Variants in DCTN5 observed in about 807,000 individuals in gnomAD.
The protein encoded by DCTN5 is dynactin 4.
Under a neutral mutation model 23.5 loss-of-function variants are expected in DCTN5, and 14 were observed. That is an observed-to-expected ratio of 0.60 (90% CI 0.39 to 0.93). DCTN5 has a LOEUF of 0.93. Among genes scored for constraint, DCTN5 ranks in the 40% least tolerant of loss-of-function variants. The pLI is 0.00. For synonymous variants in DCTN5, 67 were observed against 79.6 expected (o/e 0.84, Z 0.84); for missense variants, 156 against 225.9 (o/e 0.69, Z 1.98).
In DCTN5 at chr16:23,672,572, A is replaced by AGTTT. The variant is rs1968026288; in HGVS notation, c.*5428_*5429insGTTT. The AGTTT allele has an allele frequency of 1.3e-5, 2 of 152,272 alleles. No homozygotes were observed. The highest frequency in any genetic ancestry group is 4.1e-4 in the South Asian group (2 of 4,834). 9.4% of individuals were successfully genotyped at this position (152,272 alleles called of 1,614,324 possible). ...TCTGGGATTTAGGACTTGCCAGACA[A>AGTTT]ACAAGGCCCAAGAGGCAAGTGTGCA... On this transcript the variant is annotated 3_prime_UTR_variant, in exon 6 of 6. Coordinates refer to ENST00000300087, the MANE Select transcript of DCTN5 (RefSeq NM_032486.4).
At chr16:23,666,253 G>A (rs1967903886) in intron 5 of DCTN5, among the ~76,000 whole-genome samples, 1 of 152,182 alleles carries the variant, frequency 6.6e-6, no homozygotes. Context: ...CATTGGTCAT[G>A]GGTTTAATTT....
In DCTN5 at chr16:23,641,474, C is replaced by T. The variant is rs963816451; in HGVS notation, c.-69C>T. On this transcript the variant is annotated 5_prime_UTR_variant, in exon 1 of 6. Transcript: ENST00000300087. ...GAAGTGGAGGAGCGGCCGGAAGTAG[C>T]CGGAATCTCTGAAAGACTGACCGAC... 19 of 1,591,002 alleles carry T rather than the reference C, an allele frequency of 1.2e-5. No homozygotes were observed. The highest frequency in any genetic ancestry group is 9.4e-5 in the African/African-American group (7 of 74,516).
chr16:23,653,292 C>T (rs890807288), intron 2 of DCTN5, among the ~76,000 whole-genome samples: 31 of 152,186 alleles, frequency 2.0e-4, no homozygotes, highest in African/African-American at 7.2e-4. Flanking sequence ...ATCACGCTAC[C>T]TGACTTCAAA....
At chr16:23,645,709 CT>C (rs2140972148) in intron 2 of DCTN5, among the ~76,000 whole-genome samples, 1 of 152,230 alleles carries the variant, frequency 6.6e-6, no homozygotes, top group African/African-American at 2.4e-5. Flanking sequence ...AAGGTTCATC[CT>C]TGTTAAAGCA....
chr16:23,664,814 T>A (rs1201030111), intron 4 of DCTN5, among the ~76,000 whole-genome samples: 4 of 152,180 alleles, frequency 2.6e-5, no homozygotes, highest in African/African-American at 7.2e-5. Context: ...TCCAAATGAA[T>A]TTTTCAGGGT....
chr16:23,675,558 C>T lies in DCTN5; in HGVS notation c.*8414C>T, dbSNP rs959869351. 1 of 151,904 alleles carries T rather than the reference C, an allele frequency of 6.6e-6. No individual in the cohort carries two copies. Among genetic ancestry groups the T allele is most frequent in the Non-Finnish European group, 1.5e-5 (1 of 68,026 alleles). 9.4% of individuals were successfully genotyped at this position (151,904 alleles called of 1,614,324 possible). On this transcript the variant is annotated 3_prime_UTR_variant, in exon 6 of 6. Transcript: ENST00000300087. The stretch of plus-strand genomic sequence containing the variant: ...TGCTTTTGTGCCTCTTACATACAAC[C>T]CTTCCAGAGGAAAGGCCTAGCTGAG...
At chr16:23,658,201 A>G (rs1967746012) in intron 2 of DCTN5, among the ~76,000 whole-genome samples, 1 of 152,210 alleles carries the variant, frequency 6.6e-6, no homozygotes, top group Non-Finnish European at 1.5e-5. Flanking sequence ...TTACCTGAGC[A>G]AATCTAAAGA....
chr16:23,644,842 C>T (rs1195756565), intron 2 of DCTN5, among the ~76,000 whole-genome samples: 3 of 151,056 alleles, frequency 2.0e-5, no homozygotes, highest in Non-Finnish European at 2.9e-5. Context: ...AGTGAAGCGG[C>T]GCCATCTCAG....
Position 23,661,150 on chromosome 16 carries a change from A to G in DCTN5, c.237-20A>G. On this transcript the variant is annotated intron_variant, in intron 3 of 5. Transcript: ENST00000300087. ...ACATCATCTTGACCTTTCTGTGTTCATCTTCTTTTCCTCTTCTAGTGTTGC... is the reference window on the plus strand; with the variant it reads ...ACATCATCTTGACCTTTCTGTGTTCGTCTTCTTTTCCTCTTCTAGTGTTGC... 2 of 1,563,584 alleles carry G rather than the reference A, an allele frequency of 1.3e-6. No individual in the cohort carries two copies. The highest frequency in any genetic ancestry group is 1.8e-6 in the Non-Finnish European group (2 of 1,135,876).
intron 5 of DCTN5, chr16:23,666,799 G>C: frequency 1.8e-6 from 1 of 546,282 alleles, no homozygotes; most frequent in South Asian, 2.8e-5. Flanking sequence ...CCATTCTACC[G>C]TGTCATGCAT....
intron 3 of DCTN5, among the ~76,000 whole-genome samples, chr16:23,660,435 A>G (rs545970729): frequency 6.6e-6 from 1 of 152,356 alleles, no homozygotes; most frequent in African/African-American, 2.4e-5. Context: ...TGTCAGTGAC[A>G]TTTGAGGAAC....
Position 23,658,578 on chromosome 16 carries a change from G to T in DCTN5, c.189G>T (p.Val63=). The change falls in exon 3 of 6, where the codon GTG becomes GTT. Residue 63 remains valine, a synonymous_variant. Transcript: ENST00000300087. ...TAAGAGTTGGACGTCATTGTGTTGT[G>T]AAAAGTCGTAGTGTCATAAGGCCAC... The part of the protein sequence containing the change: ...ANVRVGRHCV[V]KSRSVIRPPF... The T allele has an allele frequency of 6.2e-7, 1 of 1,614,216 alleles. No homozygotes were observed. The highest frequency in any genetic ancestry group is 8.5e-7 in the Non-Finnish European group (1 of 1,180,026).
chr16:23,648,711 A>G (rs1597115108), intron 2 of DCTN5, among the ~76,000 whole-genome samples: 1 of 152,050 alleles, frequency 6.6e-6, no homozygotes, highest in African/African-American at 2.4e-5. Context: ...ACTAGTTTAC[A>G]TCCCACCAAC....
In DCTN5 at chr16:23,676,475, T is replaced by C. The variant is rs1959226566; in HGVS notation, c.*9331T>C. On this transcript the variant is annotated 3_prime_UTR_variant, in exon 6 of 6. Transcript: ENST00000300087. Reference sequence around the variant, plus strand: ...GGGAGGCTGAGGCAGGAGAATCGCTTGAACCCAGGAGGTGGAGGCTGCAGT... The same window carrying C: ...GGGAGGCTGAGGCAGGAGAATCGCTCGAACCCAGGAGGTGGAGGCTGCAGT... 1 of 152,298 alleles carries C rather than the reference T, an allele frequency of 6.6e-6. No homozygotes were observed. Among genetic ancestry groups the C allele is most frequent in the African/African-American group, 2.4e-5 (1 of 41,418 alleles). The allele number at this position is 152,298 out of a possible 1,614,324, so 9.4% of individuals were successfully genotyped here. A position where few individuals can be genotyped will look rare whatever the true frequency, so the allele number is the denominator to read the frequency against.
Position 23,649,146 on chromosome 16 carries a change from C to T in DCTN5, c.117+6123C>T, listed in dbSNP as rs543971294. 2.6e-5 allele frequency among the ~76,000 whole-genome samples: 4 copies of T among 152,306 alleles called. No homozygotes were observed. The East Asian group carries it at 7.7e-4, about 29-fold the overall frequency. ...AAAATGCTGGGATTACAGGCATGAG[C>T]CACCGTGCCTGGCTGATTAGTGATG... is the stretch of plus-strand genomic sequence containing the variant. On this transcript the variant is annotated intron_variant, in intron 2 of 5. Coordinates refer to ENST00000300087, the MANE Select transcript of DCTN5 (RefSeq NM_032486.4).
chr16:23,657,931 G>T (rs944637401), intron 2 of DCTN5, among the ~76,000 whole-genome samples: 4 of 152,084 alleles, frequency 2.6e-5, no homozygotes, highest in Non-Finnish European at 5.9e-5. Flanking sequence ...GACATTTTGA[G>T]GGTGCCTACT....
rs1967929986 is a variant in DCTN5, at chr16:23,667,557, G to C, written c.*413G>C. On this transcript the variant is annotated 3_prime_UTR_variant, in exon 6 of 6. Transcript: ENST00000300087. The stretch of plus-strand genomic sequence containing the variant: ...CTCACGGCCATTCACTGCCCATGCT[G>C]AGCGCCTCTCACACAGGTAATGCCC... The C allele has an allele frequency of 1.2e-5, 2 of 169,768 alleles. No individual in the cohort carries two copies. 10.5% of individuals were successfully genotyped at this position (169,768 alleles called of 1,614,324 possible).
At position 23,667,841 on chromosome 16, in the gene DCTN5, C is replaced by T. The variant is rs1195059232; in HGVS notation, c.*697C>T. The T allele has an allele frequency of 6.6e-6, 1 of 152,226 alleles. No homozygotes were observed. Among genetic ancestry groups the T allele is most frequent in the Non-Finnish European group, 1.5e-5 (1 of 68,110 alleles). 9.4% of individuals were successfully genotyped at this position (152,226 alleles called of 1,614,324 possible). ...TCAGTATCCCAGATTGTAATTTTGC[C>T]AAGTGTTAGATTTGAGTCTCTCATG... is the stretch of plus-strand genomic sequence containing the variant. On this transcript the variant is annotated 3_prime_UTR_variant, in exon 6 of 6. Transcript: ENST00000300087.
In DCTN5 at chr16:23,658,515, G is replaced by T; in HGVS notation, c.126G>T (p.Val42=). 1 of 1,613,544 alleles carries T rather than the reference G, an allele frequency of 6.2e-7. No individual in the cohort carries two copies. The highest frequency in any genetic ancestry group is 8.5e-7 in the Non-Finnish European group (1 of 1,179,440). ...TTTGCTTCGTCTTACAGACCATTGT[G>T]ATGAATGACTGTATTATCCGAGGGG... ...QNIVLNGKTI[V]MNDCIIRGDL... The change falls in exon 3 of 6, where the codon GTG becomes GTT. Residue 42 remains valine (V), a synonymous_variant. Transcript: ENST00000300087.
Sources: gnomAD v4.1 joint callset for allele counts (sites outside exome capture counted in the v4.1 genomes callset) on GRCh38, gnomAD v4.1.1 for gene constraint, MANE v1.5 for transcripts, NCBI Gene and HGNC (gene_info 2026-07-23, HGNC 2026-07-21) for gene names.